TMC1: variants seen among roughly 807,000 people sequenced by gnomAD.
TMC1 encodes the protein transmembrane channel like 1.
TMC1 carries 84 observed loss-of-function variants against 105.8 expected under a neutral mutation model. The ratio of observed to expected loss-of-function variants is 0.79; its 90% CI spans 0.67 to 0.95. The LOEUF (loss-of-function observed/expected upper bound fraction) is 0.95, where lower values mean the gene tolerates loss of function less well. TMC1 is among the 40% of genes least tolerant of loss of function. The pLI, the probability that TMC1 is intolerant of heterozygous loss-of-function variation, is 0.00. For missense variants in TMC1, 817 were observed against 914.1 expected (o/e 0.89, Z 1.37); for synonymous variants, 315 against 311.5 (o/e 1.01, Z -0.12).
chr9:72,704,116 C>G (rs887933366), intron 8 of TMC1, among the ~76,000 whole-genome samples: 3 of 152,216 alleles, frequency 2.0e-5, no homozygotes, highest in East Asian at 1.9e-4. Context: ...TTCCCTCTAC[C>G]CTTTATTTCT....
chr9:72,537,882 G>A (rs879481678), intron 1 of TMC1, among the ~76,000 whole-genome samples: 5 of 152,118 alleles, frequency 3.3e-5, no homozygotes, highest in Non-Finnish European at 5.9e-5. Context: ...GCTGGGCACT[G>A]TGGCTCATGC....
chr9:72,786,679 T>C (rs1027638757), intron 13 of TMC1, among the ~76,000 whole-genome samples: 6 of 152,192 alleles, frequency 3.9e-5, no homozygotes. Flanking sequence ...ATCATGGCCA[T>C]ATCTCAATAA....
intron 1 of TMC1, among the ~76,000 whole-genome samples, chr9:72,525,402 G>A (rs1345033214): frequency 6.6e-6 from 1 of 152,182 alleles, no homozygotes; most frequent in African/African-American, 2.4e-5. Flanking sequence ...CATTACCTCA[G>A]GGCAGTTGTA....
At chr9:72,822,343 A>G (rs1828888373) in intron 20 of TMC1, among the ~76,000 whole-genome samples, 1 of 152,194 alleles carries the variant, frequency 6.6e-6, no homozygotes, top group Non-Finnish European at 1.5e-5. Context: ...ATTAAAGTCA[A>G]AAGGTTCATT....
intron 17 of TMC1, among the ~76,000 whole-genome samples, chr9:72,801,514 G>C (rs1248743249): frequency 6.6e-6 from 1 of 152,178 alleles, no homozygotes; most frequent in Non-Finnish European, 1.5e-5. Flanking sequence ...TTGTCCCCCA[G>C]TTAGCATCAA....
chr9:72,786,128 T>A (rs144545512), intron 13 of TMC1, among the ~76,000 whole-genome samples: 66 of 152,284 alleles, frequency 4.3e-4, no homozygotes, highest in African/African-American at 1.6e-3. Context: ...TGCAAACTTG[T>A]CCAAGTCAAG....
intron 2 of TMC1, among the ~76,000 whole-genome samples, chr9:72,588,155 A>T (rs1310431499): frequency 6.6e-6 from 1 of 152,126 alleles, no homozygotes; most frequent in Non-Finnish European, 1.5e-5. Context: ...TACCCTAATG[A>T]CTATCATGCT....
rs1827409323 is a variant in TMC1, at chr9:72,742,608, TG to T, written c.535+85del. ...CTTATCAGATGCCTTTGTCAGTTTCTGGACTTTTGGGAAGACTAGAAACAAA... is the reference window on the plus strand; with the variant it reads ...CTTATCAGATGCCTTTGTCAGTTTCTGACTTTTGGGAAGACTAGAAACAAA... On this transcript the variant is annotated intron_variant, in intron 10 of 23. Coordinates refer to ENST00000297784, the MANE Select transcript of TMC1 (RefSeq NM_138691.3). 6.8e-6 allele frequency: 8 copies of T among 1,182,332 alleles called. No individual in the cohort carries two copies. In the Admixed American group the frequency reaches 1.5e-4, roughly 21 times the overall value. The allele number at this position is 1,182,332 out of a possible 1,614,324, so 73.2% of individuals were successfully genotyped here.
intron 5 of TMC1, among the ~76,000 whole-genome samples, chr9:72,663,844 T>G (rs1462578557): frequency 6.6e-6 from 1 of 152,200 alleles, no homozygotes; most frequent in Non-Finnish European, 1.5e-5. Flanking sequence ...CAAACATATT[T>G]TCTTTATATA....
intron 5 of TMC1, among the ~76,000 whole-genome samples, chr9:72,683,361 A>C (rs538015729): frequency 2.0e-5 from 3 of 152,230 alleles, no homozygotes; most frequent in Admixed American, 1.3e-4. Flanking sequence ...ACACATGTGT[A>C]ATTTTCTTCA....
chr9:72,636,413 C>T (rs1175183695), intron 4 of TMC1, among the ~76,000 whole-genome samples: 2 of 152,180 alleles, frequency 1.3e-5, no homozygotes, highest in Non-Finnish European at 2.9e-5. Context: ...ACTCAGCTAT[C>T]TATCCAGGCG....
chr9:72,794,145 C>T (rs766805837), intron 17 of TMC1, among the ~76,000 whole-genome samples: 7 of 152,104 alleles, frequency 4.6e-5, no homozygotes, highest in Non-Finnish European at 4.4e-5. Context: ...GAACATCCAT[C>T]CTGGGCTAAT....
At chr9:72,666,210 G>A (rs970959467) in intron 5 of TMC1, among the ~76,000 whole-genome samples, 1 of 151,604 alleles carries the variant, frequency 6.6e-6, no homozygotes, top group East Asian at 1.9e-4. Flanking sequence ...GAGGGCAGGT[G>A]TTCGAGACTA....
intron 8 of TMC1, among the ~76,000 whole-genome samples, chr9:72,728,071 C>T (rs1827151247): frequency 6.6e-6 from 1 of 151,930 alleles, no homozygotes; most frequent in Non-Finnish European, 1.5e-5. Flanking sequence ...GTCAGACTGA[C>T]AAAAGACAGA....
At position 72,821,010 on chromosome 9, in the gene TMC1, CTT is replaced by C; in HGVS notation, c.1933_1934del (p.Phe645ProfsTer18). ...ACCTGGGCATGCTACTGCTCATCCTCTTCCTGTCCACAATGCCTGTCTTGTAC... is the reference window on the plus strand; with the variant it reads ...ACCTGGGCATGCTACTGCTCATCCTCCCTGTCCACAATGCCTGTCTTGTAC... ...FYLGMLLLIL[F>X]LSTMPVLYMI... is the part of the protein sequence containing the mutation. On this transcript the variant is annotated frameshift_variant, in exon 20 of 24. Coordinates refer to ENST00000297784, the MANE Select transcript of TMC1 (RefSeq NM_138691.3). LOFTEE classifies it high-confidence loss of function. 1 of 1,614,200 alleles carries C rather than the reference CTT, an allele frequency of 6.2e-7. No individual in the cohort carries two copies. Among genetic ancestry groups the C allele is most frequent in the Non-Finnish European group, 8.5e-7 (1 of 1,180,016 alleles).
At chr9:72,549,681 G>A (rs1385575672) in intron 1 of TMC1, among the ~76,000 whole-genome samples, 2 of 149,630 alleles carry the variant, frequency 1.3e-5, no homozygotes, top group Non-Finnish European at 3.0e-5. Flanking sequence ...CATGATCTTG[G>A]CTCACTGCAA....
intron 2 of TMC1, among the ~76,000 whole-genome samples, chr9:72,599,647 A>G (rs1406314548): frequency 1.3e-5 from 2 of 152,018 alleles, no homozygotes; most frequent in Non-Finnish European, 2.9e-5. Flanking sequence ...CGTCTTTACT[A>G]AAAATACAAA....
Position 72,692,999 on chromosome 9 carries a change from A to G in TMC1, c.65-1544A>G, listed in dbSNP as rs532341543. Among the ~76,000 whole-genome samples, 13 of 152,112 alleles carry G rather than the reference A, an allele frequency of 8.5e-5. No individual in the cohort carries two copies. In the East Asian group the frequency reaches 1.9e-3, roughly 23 times the overall value. On this transcript the variant is annotated intron_variant, in intron 6 of 23. Transcript: ENST00000297784. ...GCTGGGTATGATGGCGCACACCTGT[A>G]TTCTCAACTACTCAGGAGGCTGAGA...
intron 4 of TMC1, among the ~76,000 whole-genome samples, chr9:72,645,912 G>A (rs528729313): frequency 7.8e-4 from 119 of 152,178 alleles, no homozygotes; most frequent in African/African-American, 2.6e-3. Context: ...CTATTTGGCC[G>A]GTATCATTGC....
Sources: gnomAD v4.1 joint callset for allele counts (sites outside exome capture counted in the v4.1 genomes callset) on GRCh38, gnomAD v4.1.1 for gene constraint, MANE v1.5 for transcripts, NCBI Gene and HGNC (gene_info 2026-07-23, HGNC 2026-07-21) for gene names.